ADAMTSL1: variants seen among roughly 807,000 people sequenced by gnomAD.
ADAMTSL1 encodes the protein ADAMTS like 1, also known as ADAMTS-like protein 1.
In ADAMTSL1, 126 loss-of-function variants were observed where a neutral mutation model predicts 201.8. That is an observed-to-expected ratio of 0.62 (90% CI 0.54 to 0.72). ADAMTSL1 has a LOEUF of 0.72. Among genes scored for constraint, ADAMTSL1 ranks in the 30% least tolerant of loss-of-function variants. The probability of loss-of-function intolerance (pLI) is 0.00; values close to 1 mark genes in which losing one functional copy is unlikely to be tolerated. For synonymous variants in ADAMTSL1, 1,121 were observed against 903.4 expected (o/e 1.24, Z -4.32); for missense variants, 2,679 against 2,277.8 (o/e 1.18, Z -3.59).
At chr9:18,885,234 T>C (rs903798797) in intron 23 of ADAMTSL1, among the ~76,000 whole-genome samples, 8 of 152,194 alleles carry the variant, frequency 5.3e-5, no homozygotes, top group African/African-American at 1.9e-4. Context: ...CACATGCTCT[T>C]CAAAAGCACA....
In ADAMTSL1 at chr9:18,661,101, G is replaced by T. The variant is rs182825637; in HGVS notation, c.947-834G>T. Among the ~76,000 whole-genome samples, 19 of 152,094 alleles carry T rather than the reference G, an allele frequency of 1.2e-4. No individual in the cohort carries two copies. In the East Asian group the frequency reaches 3.7e-3, roughly 29 times the overall value. On this transcript the variant is annotated intron_variant, in intron 8 of 28. Transcript: ENST00000380548. ...TTTTCACCCCGAGAATCTAAGTCTT[G>T]ATCACCACCCTACCAGAAATCCACA... is the stretch of plus-strand genomic sequence containing the variant.
At chr9:18,683,926 T>C (rs1470144068) in intron 12 of ADAMTSL1, among the ~76,000 whole-genome samples, 1 of 152,180 alleles carries the variant, frequency 6.6e-6, no homozygotes, top group Admixed American at 6.5e-5. Context: ...TATAAAATGG[T>C]GATAGAGCAT....
chr9:18,457,376 G>T (rs1820646068), intron 2 of ADAMTSL1, among the ~76,000 whole-genome samples: 1 of 152,122 alleles, frequency 6.6e-6, no homozygotes, highest in Non-Finnish European at 1.5e-5. Flanking sequence ...CTGTCTCCCA[G>T]ACTGGAATGC....
intron 19 of ADAMTSL1, among the ~76,000 whole-genome samples, chr9:18,787,701 T>G (rs1249334151): frequency 1.3e-5 from 2 of 152,304 alleles, no homozygotes; most frequent in East Asian, 3.9e-4. Context: ...CTGACTATAC[T>G]CAACTCTGTC....
At chr9:17,975,372 G>A (rs1410499064) in intron 1 of ADAMTSL1, among the ~76,000 whole-genome samples, 5 of 151,930 alleles carry the variant, frequency 3.3e-5, no homozygotes, top group Admixed American at 2.6e-4. Context: ...CAAGATCAGG[G>A]CACCAGCAGA....
intron 1 of ADAMTSL1, among the ~76,000 whole-genome samples, chr9:17,977,368 A>G (rs758305398): frequency 5.3e-5 from 8 of 152,094 alleles, no homozygotes; most frequent in African/African-American, 1.9e-4. Context: ...TCATTCTTCA[A>G]AAAGATTTTG....
chr9:18,015,959 C>T (rs962017926), intron 1 of ADAMTSL1, among the ~76,000 whole-genome samples: 1 of 151,988 alleles, frequency 6.6e-6, no homozygotes, highest in Non-Finnish European at 1.5e-5. Context: ...TCTCTGAAAA[C>T]CAGGATGGCA....
chr9:18,599,945 A>G (rs1434891176), intron 4 of ADAMTSL1, among the ~76,000 whole-genome samples: 1 of 149,516 alleles, frequency 6.7e-6, no homozygotes, highest in African/African-American at 2.5e-5. Flanking sequence ...AAGGTCAGGA[A>G]ATCGAGATCA....
intron 2 of ADAMTSL1, among the ~76,000 whole-genome samples, chr9:18,180,622 A>C (rs1828421989): frequency 6.6e-6 from 1 of 152,040 alleles, no homozygotes; most frequent in Non-Finnish European, 1.5e-5. Flanking sequence ...ACCACTGCTC[A>C]AGGAAATAAA....
rs116749902 is a variant in ADAMTSL1 at position 18,776,221 on chromosome 9, C to T, written c.2551+325C>T. Among the ~76,000 whole-genome samples the T allele has an allele frequency of 5.3e-3, 808 of 152,208 alleles. 14 individuals are homozygous for T. Among genetic ancestry groups the T allele is most frequent in the African/African-American group, 0.019 (788 of 41,502 alleles). ...ATGTTATCCACTCTGGGGTTTTAAACGACTCTAAACAGATTTGTTCTGTTT... is the reference window on the plus strand; with the variant it reads ...ATGTTATCCACTCTGGGGTTTTAAATGACTCTAAACAGATTTGTTCTGTTT... On this transcript the variant is annotated intron_variant, in intron 18 of 28. Coordinates refer to ENST00000380548, the MANE Select transcript of ADAMTSL1 (RefSeq NM_001040272.6).
At chr9:18,519,533 G>T (rs550930969) in intron 2 of ADAMTSL1, among the ~76,000 whole-genome samples, 1 of 152,268 alleles carries the variant, frequency 6.6e-6, no homozygotes, top group South Asian at 2.1e-4. Context: ...TCATTCCTAT[G>T]AGTTGTTCAC....
At chr9:18,731,670 T>C (rs540820046) in intron 15 of ADAMTSL1, among the ~76,000 whole-genome samples, 12 of 152,142 alleles carry the variant, frequency 7.9e-5, no homozygotes, top group Non-Finnish European at 1.6e-4. Flanking sequence ...CTGCAGGCTG[T>C]ACAGGAAGCA....
At chr9:18,183,932 G>T (rs1403058753) in intron 2 of ADAMTSL1, among the ~76,000 whole-genome samples, 1 of 152,142 alleles carries the variant, frequency 6.6e-6, no homozygotes, top group African/African-American at 2.4e-5. Context: ...ACCGTGACTA[G>T]GGAAGGAAGT....
chr9:18,661,960 C>G lies in ADAMTSL1; in HGVS notation c.972C>G (p.Cys324Trp), dbSNP rs1829121609. The stretch of plus-strand genomic sequence containing the variant: ...GTTATCAGCTGACATCGGCTGAGTG[C>G]TACGATCTGAGGAGCAACCGTGTGG... Reference protein sequence around the residue: ...GGGYQLTSAECYDLRSNRVVA... With the variant: ...GGGYQLTSAEWYDLRSNRVVA... Residue 324 changes from cysteine to tryptophan, a missense_variant, in exon 9 of 29, where the codon TGC (cysteine) becomes TGG (tryptophan). By Grantham distance (215) the Cys-to-Trp change is radical. Coordinates refer to ENST00000380548, the MANE Select transcript of ADAMTSL1 (RefSeq NM_001040272.6). 6.2e-7 allele frequency: 1 copy of G among 1,613,680 alleles called. No individual in the cohort carries two copies. Among genetic ancestry groups the G allele is most frequent in the African/African-American group, 1.3e-5 (1 of 74,890 alleles).
intron 1 of ADAMTSL1, among the ~76,000 whole-genome samples, chr9:18,056,649 G>C (rs1822201825): frequency 6.6e-6 from 1 of 152,190 alleles, no homozygotes; most frequent in Non-Finnish European, 1.5e-5. Context: ...TCTCAACATG[G>C]CAAGCATTCA....
chr9:17,950,699 CT>C (rs1827700803), intron 1 of ADAMTSL1, among the ~76,000 whole-genome samples: 1 of 152,012 alleles, frequency 6.6e-6, no homozygotes, highest in Non-Finnish European at 1.5e-5. Context: ...CATTTCTCTA[CT>C]GATAAACATA....
chr9:18,290,784 T>TTTTTTTG (rs1563862846), intron 2 of ADAMTSL1, among the ~76,000 whole-genome samples: 11 of 95,316 alleles, frequency 1.2e-4, no homozygotes, highest in Non-Finnish European at 2.3e-4. Flanking sequence ...TTTGTGTGTT[T>TTTTTTTG]TTTTTTTTTT....
chr9:18,153,087 C>T (rs533720039), intron 1 of ADAMTSL1, among the ~76,000 whole-genome samples: 1 of 152,136 alleles, frequency 6.6e-6, no homozygotes, highest in South Asian at 2.1e-4. Flanking sequence ...CTACACTGTA[C>T]TTTTAATAGC....
At chr9:18,400,168 A>G (rs1587080042) in intron 2 of ADAMTSL1, among the ~76,000 whole-genome samples, 1 of 152,296 alleles carries the variant, frequency 6.6e-6, no homozygotes, top group African/African-American at 2.4e-5. Flanking sequence ...TTACCCTAGA[A>G]CTTAAAGTAT....
Sources: gnomAD v4.1 joint callset for allele counts (sites outside exome capture counted in the v4.1 genomes callset) on GRCh38, gnomAD v4.1.1 for gene constraint, MANE v1.5 for transcripts, NCBI Gene and HGNC (gene_info 2026-07-23, HGNC 2026-07-21) for gene names.